The following TRIM37 variants were observed in gnomAD, a reference collection of about 807,000 sequenced individuals.
TRIM37 encodes tripartite motif containing 37, also known as E3 ubiquitin-protein ligase TRIM37.
Under a neutral mutation model 129.8 loss-of-function variants are expected in TRIM37, and 80 were observed. That is an observed-to-expected ratio of 0.62 (90% CI 0.51 to 0.74). The LOEUF is 0.74. Ranked by LOEUF, TRIM37 falls within the 30% of genes least tolerant of loss-of-function variation. The probability of loss-of-function intolerance (pLI) is 0.00; values close to 1 mark genes in which losing one functional copy is unlikely to be tolerated. For synonymous variants in TRIM37, 389 were observed against 387.1 expected, an observed-to-expected ratio of 1.00 and a Z score of -0.06; for missense variants, 1,054 against 1,176.5, an observed-to-expected ratio of 0.90 and a Z score of 1.52.
At chr17:59,059,924 C>T (rs1335270535) in intron 12 of TRIM37, among the ~76,000 whole-genome samples, 2 of 152,156 alleles carry the variant, frequency 1.3e-5, no homozygotes, top group Non-Finnish European at 2.9e-5. Flanking sequence ...TTCCTGGCCC[C>T]GTGTGAACAC....
intron 13 of TRIM37, among the ~76,000 whole-genome samples, chr17:59,056,599 G>A (rs369890648): frequency 4.0e-4 from 60 of 150,418 alleles, no homozygotes; most frequent in East Asian, 7.8e-4. Flanking sequence ...GCGTGGTGGC[G>A]GGCGCCTGTA....
chr17:59,021,780 T>C (rs1453064842), intron 19 of TRIM37, among the ~76,000 whole-genome samples: 1 of 152,132 alleles, frequency 6.6e-6, no homozygotes, highest in African/African-American at 2.4e-5. Flanking sequence ...ATTGGATTGT[T>C]TTAACACAAA....
the TRIM37 span, among the ~76,000 whole-genome samples, chr17:58,968,424 C>T: frequency 6.6e-6 from 1 of 151,798 alleles, no homozygotes; most frequent in Admixed American, 6.6e-5. Flanking sequence ...GACGCTGACT[C>T]CAAAAATAAA....
intron 19 of TRIM37, among the ~76,000 whole-genome samples, chr17:59,025,355 C>A (rs764397471): frequency 1.3e-5 from 2 of 150,462 alleles, no homozygotes; most frequent in Non-Finnish European, 3.0e-5. Context: ...AAAAATAAGA[C>A]CCATGAATAT....
In TRIM37 at chr17:59,015,569, T is replaced by C. The variant is rs753660921; in HGVS notation, c.2576+41A>G. 1.9e-6 allele frequency: 3 copies of C among 1,590,464 alleles called. No individual in the cohort carries two copies. In the South Asian group the frequency reaches 3.3e-5, roughly 18 times the overall value. On this transcript the variant is annotated intron_variant, in intron 21 of 23. Transcript: ENST00000262294. Reference sequence around the variant, plus strand: ...TACTTAAAGTTCCAAACAAAGCTATTAGCTATTATACCATTACATATACAA... The same window carrying C: ...TACTTAAAGTTCCAAACAAAGCTATCAGCTATTATACCATTACATATACAA...
chr17:59,100,919 G>C (rs574863323), intron 2 of TRIM37, among the ~76,000 whole-genome samples: 51 of 152,018 alleles, frequency 3.4e-4, no homozygotes, highest in Non-Finnish European at 5.6e-4. Flanking sequence ...CTACTTGGGA[G>C]GCTGAGGCAG....
chr17:59,043,511 C>T (rs899576427), intron 16 of TRIM37, among the ~76,000 whole-genome samples: 7 of 152,190 alleles, frequency 4.6e-5, no homozygotes, highest in African/African-American at 1.4e-4. Context: ...CCTCCCACTT[C>T]CCGAACTTCC....
At chr17:59,061,772 C>T (rs1035881340) in intron 11 of TRIM37, among the ~76,000 whole-genome samples, 14 of 152,058 alleles carry the variant, frequency 9.2e-5, no homozygotes, top group Non-Finnish European at 1.8e-4. Flanking sequence ...GTTCCCCCAA[C>T]GAGACAATGA....
intron 22 of TRIM37, among the ~76,000 whole-genome samples, chr17:59,010,755 A>C (rs942704337): frequency 6.6e-6 from 1 of 152,112 alleles, no homozygotes; most frequent in Non-Finnish European, 1.5e-5. Flanking sequence ...AGCCTCCCAA[A>C]GTACTGGGAT....
At chr17:58,986,131 T>G (rs2031780708) in intron 24 of TRIM37, among the ~76,000 whole-genome samples, 1 of 152,176 alleles carries the variant, frequency 6.6e-6, no homozygotes, top group African/African-American at 2.4e-5. Context: ...AACAACTGTC[T>G]GTACTGACAA....
intron 7 of TRIM37, among the ~76,000 whole-genome samples, chr17:59,075,971 T>A (rs1049881400): frequency 1.1e-4 from 16 of 152,182 alleles, no homozygotes; most frequent in Non-Finnish European, 2.9e-5. Context: ...AGAAACGAAA[T>A]GTGCAATGAC....
chr17:59,101,950 A>G (rs1406193522), intron 2 of TRIM37, among the ~76,000 whole-genome samples: 3 of 151,592 alleles, frequency 2.0e-5, no homozygotes, highest in Admixed American at 1.3e-4. Flanking sequence ...AAAAAAAATA[A>G]AAAATAAAAA....
rs747985654 is a variant in TRIM37, at chr17:59,064,351, T to C, written c.860+4A>G. 1 of 1,598,204 alleles carries C rather than the reference T, an allele frequency of 6.3e-7. No homozygotes were observed. The highest frequency in any genetic ancestry group is 1.1e-5 in the South Asian group (1 of 88,708). ...AAAAAACCAGAATTGTCAAAAACTC[T>C]TACCTGAAATTCTCTAAAACAAAAG... On this transcript the variant is annotated splice_donor_region_variant and intron_variant, in intron 10 of 23. Transcript: ENST00000262294.
intron 2 of TRIM37, among the ~76,000 whole-genome samples, chr17:59,103,955 G>C (rs1414647532): frequency 6.6e-6 from 1 of 152,066 alleles, no homozygotes; most frequent in African/African-American, 2.4e-5. Flanking sequence ...TTCATCTCTA[G>C]AGTGTCTTGT....
chr17:59,073,386 C>T (rs1010791560), intron 8 of TRIM37, among the ~76,000 whole-genome samples: 30 of 152,136 alleles, frequency 2.0e-4, no homozygotes, highest in African/African-American at 4.6e-4. Flanking sequence ...CTCTGCCTCC[C>T]GGGTTCAAGC....
intron 1 of TRIM37, 99 bp downstream of exon 1, chr17:59,106,342 G>T (rs2045990513): frequency 7.0e-7 from 1 of 1,429,360 alleles, no homozygotes; most frequent in Non-Finnish European, 9.8e-7. Flanking sequence ...GCGGGGTAGG[G>T]GTGCCCTACT....
intron 7 of TRIM37, 126 bp from the exon 8 acceptor site, chr17:59,075,840 C>T: frequency 1.4e-6 from 1 of 721,676 alleles, no homozygotes; most frequent in Non-Finnish European, 2.4e-6. Context: ...TTCATTACAG[C>T]TACCCTAAAA....
chr17:59,054,156 T>C (rs1201400797), intron 13 of TRIM37, among the ~76,000 whole-genome samples: 2 of 152,178 alleles, frequency 1.3e-5, no homozygotes, highest in Non-Finnish European at 2.9e-5. Context: ...ATGTTTAAAA[T>C]TGTTGTGATG....
intron 11 of TRIM37, 72 bp from the exon 12 acceptor site, chr17:59,061,180 A>C (rs978631744): frequency 1.7e-6 from 2 of 1,167,858 alleles, no homozygotes; most frequent in South Asian, 1.3e-5. Flanking sequence ...ATAATATCTG[A>C]TATCTAGATT....
Sources: gnomAD v4.1 joint callset for allele counts (sites outside exome capture counted in the v4.1 genomes callset) on GRCh38, gnomAD v4.1.1 for gene constraint, MANE v1.5 for transcripts, NCBI Gene and HGNC (gene_info 2026-07-23, HGNC 2026-07-21) for gene names.